FA2H: variants seen among roughly 807,000 people sequenced by gnomAD.
FA2H encodes fatty acid 2-hydroxylase.
Under a neutral mutation model 44.9 loss-of-function variants are expected in FA2H, and 22 were observed. The ratio of observed to expected loss-of-function variants is 0.49; its 90% CI spans 0.35 to 0.70. The LOEUF is 0.70. FA2H is among the 30% of genes least tolerant of loss of function. The probability of loss-of-function intolerance (pLI) is 0.01; values close to 1 mark genes in which losing one functional copy is unlikely to be tolerated. For missense variants in FA2H, 501 were observed against 504.9 expected (o/e 0.99, Z 0.07); for synonymous variants, 243 against 213.2 (o/e 1.14, Z -1.22).
chr16:74,720,167 A>C (rs74250246), intron 4 of FA2H, among the ~76,000 whole-genome samples: 2,334 of 57,684 alleles, frequency 0.04, 88 homozygotes, highest in African/African-American at 0.14. Flanking sequence ...TGCTCCATAT[A>C]TTCATCCTCA....
intron 1 of FA2H, among the ~76,000 whole-genome samples, chr16:74,740,523 G>C (rs1405843382): frequency 6.6e-6 from 1 of 151,402 alleles, no homozygotes; most frequent in Non-Finnish European, 1.5e-5. Flanking sequence ...AGGAGGCTGA[G>C]GCAGAAGAAT....
intron 4 of FA2H, among the ~76,000 whole-genome samples, chr16:74,721,931 A>C (rs1242960172): frequency 1.3e-5 from 2 of 152,208 alleles, no homozygotes; most frequent in Non-Finnish European, 2.9e-5. Context: ...GTCCTGACTG[A>C]TTCCTGTGTG....
At chr16:74,729,153 G>T (rs895154294) in intron 2 of FA2H, among the ~76,000 whole-genome samples, 22 of 152,254 alleles carry the variant, frequency 1.4e-4, no homozygotes, top group African/African-American at 4.8e-4. Flanking sequence ...TGGGATTACA[G>T]GCACATGCCA....
intron 4 of FA2H, among the ~76,000 whole-genome samples, chr16:74,719,986 T>G (rs900773815): frequency 6.6e-6 from 1 of 151,592 alleles, no homozygotes; most frequent in East Asian, 1.9e-4. Flanking sequence ...GTGAAAACAC[T>G]GAAGATGATC....
At chr16:74,731,041 CT>C (rs1244791589) in intron 2 of FA2H, among the ~76,000 whole-genome samples, 5 of 152,118 alleles carry the variant, frequency 3.3e-5, no homozygotes, top group Non-Finnish European at 5.9e-5. Flanking sequence ...CGCAGGATCC[CT>C]GTTTTCCCAT....
At chr16:74,754,422 C>CA (rs903180899) in intron 1 of FA2H, among the ~76,000 whole-genome samples, 8 of 151,982 alleles carry the variant, frequency 5.3e-5, no homozygotes, top group Non-Finnish European at 1.0e-4. Context: ...AAACAAAAAA[C>CA]AAAAAAAATT....
chr16:74,764,999 T>C (rs772417272), intron 1 of FA2H, among the ~76,000 whole-genome samples: 26 of 152,052 alleles, frequency 1.7e-4, no homozygotes, highest in Admixed American at 5.9e-4. Flanking sequence ...ATGGGACGGG[T>C]AGACTGTAAG....
In FA2H at chr16:74,718,986, A is replaced by T; in HGVS notation, c.786+2T>A. The T allele has an allele frequency of 1.2e-6, 2 of 1,613,576 alleles. No homozygotes were observed. The highest frequency in any genetic ancestry group is 1.7e-6 in the Non-Finnish European group (2 of 1,180,020). On this transcript the variant is annotated splice_donor_variant, in intron 5 of 6. Coordinates refer to ENST00000219368, the MANE Select transcript of FA2H (RefSeq NM_024306.5). LOFTEE classifies it high-confidence loss of function. ...TCCGGGCTGGGACCCCGCCCCGCTC[A>T]CCTTGTGGTGCTGGCCGTGCATGAC...
Position 74,730,319 on chromosome 16 carries a change from T to TG in FA2H, c.364-2934dup, listed in dbSNP as rs35920804. Among the ~76,000 whole-genome samples the TG allele has an allele frequency of 8.6e-5, 13 of 152,034 alleles. No homozygotes were observed. In the South Asian group the frequency reaches 2.7e-3, roughly 32 times the overall value. ...GCCTTCCTGTGGCAGGGGTGGGGGT[T>TG]GGGGGGTTCACTTCCTGCTTCTCAG... On this transcript the variant is annotated intron_variant, in intron 2 of 6. Coordinates refer to ENST00000219368, the MANE Select transcript of FA2H (RefSeq NM_024306.5).
At chr16:74,760,135 CAGG>C (rs1428256103) in intron 1 of FA2H, among the ~76,000 whole-genome samples, 2 of 152,126 alleles carry the variant, frequency 1.3e-5, no homozygotes, top group Non-Finnish European at 2.9e-5. Flanking sequence ...TTGCAAATGA[CAGG>C]AGAATTGCTT....
chr16:74,732,186 C>A (rs947990230), intron 2 of FA2H, among the ~76,000 whole-genome samples: 1 of 151,954 alleles, frequency 6.6e-6, no homozygotes, highest in Non-Finnish European at 1.5e-5. Flanking sequence ...GCCTGGCCAG[C>A]GCCCCTGGTT....
At chr16:74,715,328 G>A (rs563708158) in intron 6 of FA2H, among the ~76,000 whole-genome samples, 1 of 152,260 alleles carries the variant, frequency 6.6e-6, no homozygotes, top group Admixed American at 6.5e-5. Flanking sequence ...GTCTCACTCT[G>A]TCACCCAGGC....
rs375019538 is a variant in FA2H, at chr16:74,734,025, C to T, written c.363+5998G>A. 3.0e-3 allele frequency among the ~76,000 whole-genome samples: 450 copies of T among 152,318 alleles called. 3 individuals are homozygous for T. The highest frequency in any genetic ancestry group is 0.01 in the African/African-American group (431 of 41,574). ...TTCCACCCACCCTCTTCTACCTGAC[C>T]GAAGACCCCTCTCCTACTCCCACCA... On this transcript the variant is annotated intron_variant, in intron 2 of 6. Transcript: ENST00000219368.
intron 2 of FA2H, among the ~76,000 whole-genome samples, chr16:74,733,054 G>A (rs1015902358): frequency 1.3e-5 from 2 of 152,200 alleles, no homozygotes; most frequent in Non-Finnish European, 2.9e-5. Flanking sequence ...GTCCCAAGCT[G>A]CCTCTTGCCT....
intron 5 of FA2H, 24 bp from the exon 6 acceptor site, chr16:74,716,623 T>C: frequency 6.5e-7 from 1 of 1,534,756 alleles, no homozygotes; most frequent in Non-Finnish European, 8.8e-7. Flanking sequence ...GGCTTGGGCA[T>C]CAGGAGGCAG....
intron 1 of FA2H, among the ~76,000 whole-genome samples, chr16:74,758,483 GTAAT>G (rs1254434041): frequency 6.6e-6 from 1 of 152,018 alleles, no homozygotes; most frequent in Non-Finnish European, 1.5e-5. Flanking sequence ...ATATTAATAT[GTAAT>G]TATTATGATA....
chr16:74,742,948 T>G (rs903673399), intron 1 of FA2H, among the ~76,000 whole-genome samples: 2 of 152,228 alleles, frequency 1.3e-5, no homozygotes, highest in Non-Finnish European at 2.9e-5. Flanking sequence ...AGGCAGTTCT[T>G]TCCAAGGAAG....
chr16:74,735,128 C>T (rs1182978790), intron 2 of FA2H, among the ~76,000 whole-genome samples: 7 of 152,236 alleles, frequency 4.6e-5, no homozygotes, highest in Non-Finnish European at 1.0e-4. Flanking sequence ...TGTTCGGCTG[C>T]ATATGCTGTG....
intron 1 of FA2H, among the ~76,000 whole-genome samples, chr16:74,768,602 T>C (rs1233296514): frequency 6.6e-6 from 1 of 152,138 alleles, no homozygotes; most frequent in Non-Finnish European, 1.5e-5. Flanking sequence ...GTTCAGCAAA[T>C]TCCCCAAGCA....
Sources: allele counts gnomAD v4.1 joint callset (sites outside exome capture counted in the v4.1 genomes callset), GRCh38; gene constraint gnomAD v4.1.1; transcripts MANE v1.5; gene names NCBI Gene and HGNC (gene_info 2026-07-23, HGNC 2026-07-21).